LRBA: variants seen among roughly 807,000 people sequenced by gnomAD.
The protein encoded by LRBA is lipopolysaccharide-responsive and beige-like anchor protein.
LRBA carries 176 observed loss-of-function variants against 330.0 expected under a neutral mutation model. The ratio of observed to expected loss-of-function variants is 0.53; its 90% CI spans 0.47 to 0.60. LRBA has a LOEUF of 0.60. Ranked by LOEUF, LRBA falls within the 20% of genes least tolerant of loss-of-function variation. The pLI is 0.00. For missense variants in LRBA, 3,259 were observed against 3,444.8 expected (o/e 0.95, Z 1.35); for synonymous variants, 1,230 against 1,193.0 (o/e 1.03, Z -0.64).
intron 9 of LRBA, among the ~76,000 whole-genome samples, chr4:150,911,854 G>A (rs1311298655): frequency 6.6e-6 from 1 of 151,974 alleles, no homozygotes; most frequent in African/African-American, 2.4e-5. Flanking sequence ...TTTTATTATT[G>A]ATTCAATCTC....
At chr4:150,868,663 C>T (rs981185901) in intron 20 of LRBA, among the ~76,000 whole-genome samples, 1 of 152,120 alleles carries the variant, frequency 6.6e-6, no homozygotes, top group South Asian at 2.1e-4. Context: ...GCAGGCCGGG[C>T]GAGGTGGCTC....
chr4:150,862,450 G>T (rs951044430), intron 22 of LRBA, among the ~76,000 whole-genome samples: 1 of 152,036 alleles, frequency 6.6e-6, no homozygotes, highest in South Asian at 2.1e-4. Context: ...AACACTGCAT[G>T]TTCTCACTCA....
At chr4:150,520,871 T>A (rs532454603) in intron 40 of LRBA, among the ~76,000 whole-genome samples, 3 of 152,290 alleles carry the variant, frequency 2.0e-5, no homozygotes, top group African/African-American at 7.2e-5. Flanking sequence ...TTGTATACTA[T>A]CTTGTACTTG....
chr4:150,612,175 T>C (rs1775337216), intron 37 of LRBA, among the ~76,000 whole-genome samples: 1 of 152,134 alleles, frequency 6.6e-6, no homozygotes, highest in Non-Finnish European at 1.5e-5. Flanking sequence ...TTAAGATACT[T>C]TGTAAGTAAC....
At chr4:150,411,614 T>G (rs1747014817) in intron 47 of LRBA, among the ~76,000 whole-genome samples, 1 of 152,118 alleles carries the variant, frequency 6.6e-6, no homozygotes, top group Admixed American at 6.5e-5. Flanking sequence ...CCATCTGACT[T>G]TAATTGTAAC....
chr4:150,358,790 A>G (rs970796751), intron 47 of LRBA, among the ~76,000 whole-genome samples: 19 of 151,952 alleles, frequency 1.3e-4, no homozygotes, highest in Non-Finnish European at 2.1e-4. Context: ...AAAACAAAAT[A>G]AAAAAAATTT....
chr4:150,455,899 A>G (rs993598991), intron 44 of LRBA, among the ~76,000 whole-genome samples: 1 of 152,030 alleles, frequency 6.6e-6, no homozygotes, highest in Non-Finnish European at 1.5e-5. Context: ...TTAGATCCTC[A>G]CAAGTAAGTG....
At chr4:150,488,106 T>C (rs535325775) in intron 41 of LRBA, among the ~76,000 whole-genome samples, 1 of 151,614 alleles carries the variant, frequency 6.6e-6, no homozygotes, top group African/African-American at 2.4e-5. Context: ...TGACATGAAG[T>C]TGAGATTATG....
At chr4:150,671,056 G>C (rs1430908348) in intron 37 of LRBA, among the ~76,000 whole-genome samples, 2 of 151,390 alleles carry the variant, frequency 1.3e-5, no homozygotes, top group South Asian at 2.1e-4. Flanking sequence ...GAGAGAGAGA[G>C]AGAGAGACAG....
At chr4:150,847,739 G>C (rs547647841) in intron 26 of LRBA, among the ~76,000 whole-genome samples, 1 of 152,112 alleles carries the variant, frequency 6.6e-6, no homozygotes, top group African/African-American at 2.4e-5. Context: ...GGGTTTTTTT[G>C]TTTTGTTTTT....
At chr4:150,612,746 T>A (rs10008675) in intron 37 of LRBA, among the ~76,000 whole-genome samples, 107,890 of 152,086 alleles carry the variant, frequency 0.71, 45,039 homozygotes, top group Non-Finnish European at 0.91. Context: ...AAAACACAAG[T>A]CTCTAATCTC....
chr4:150,760,728 C>T (rs1185432478), intron 35 of LRBA, among the ~76,000 whole-genome samples: 3 of 152,072 alleles, frequency 2.0e-5, no homozygotes, highest in African/African-American at 7.2e-5. Flanking sequence ...CCTTGAAATG[C>T]ACCTCAAGAA....
chr4:150,809,896 ATACGATACGATACG>A (rs1471931110), intron 31 of LRBA, among the ~76,000 whole-genome samples: 81 of 150,260 alleles, frequency 5.4e-4, no homozygotes, highest in African/African-American at 1.9e-3. Context: ...ATACGATACG[ATACGATACGATACG>A]ATACGATACG....
intron 37 of LRBA, among the ~76,000 whole-genome samples, chr4:150,644,350 T>A (rs1160686349): frequency 6.6e-6 from 1 of 151,768 alleles, no homozygotes; most frequent in Non-Finnish European, 1.5e-5. Context: ...TTCAGAAAAA[T>A]TAAAAATGAA....
intron 4 of LRBA, among the ~76,000 whole-genome samples, chr4:150,923,230 C>A (rs1327205510): frequency 6.6e-6 from 1 of 151,176 alleles, no homozygotes; most frequent in Non-Finnish European, 1.5e-5. Context: ...AAATAGGGAC[C>A]AAAACCTTTA....
chr4:150,978,060 G>A (rs1351620923), intron 2 of LRBA, among the ~76,000 whole-genome samples: 1 of 152,222 alleles, frequency 6.6e-6, no homozygotes. Flanking sequence ...GCCAGGTAGT[G>A]GTTATAGCAG....
At chr4:150,402,720 T>C (rs1745659574) in intron 47 of LRBA, among the ~76,000 whole-genome samples, 1 of 152,086 alleles carries the variant, frequency 6.6e-6, no homozygotes, top group Non-Finnish European at 1.5e-5. Context: ...TTGCAATACT[T>C]TGATATTTAT....
chr4:150,855,565 A>T (rs1201204), intron 22 of LRBA, among the ~76,000 whole-genome samples: 1 of 151,996 alleles, frequency 6.6e-6, no homozygotes, highest in Admixed American at 6.6e-5. Context: ...AATTTTTTTT[A>T]ATCTCACATG....
intron 52 of LRBA, among the ~76,000 whole-genome samples, chr4:150,308,161 T>A (rs748238014): frequency 6.6e-6 from 1 of 152,230 alleles, no homozygotes. Context: ...TAAAGATATA[T>A]GTAGGCCTTT....
Sources: gnomAD v4.1 joint callset for allele counts (sites outside exome capture counted in the v4.1 genomes callset) on GRCh38, gnomAD v4.1.1 for gene constraint, MANE v1.5 for transcripts, NCBI Gene and HGNC (gene_info 2026-07-23, HGNC 2026-07-21) for gene names.